RMDN2: variants seen among roughly 807,000 people sequenced by gnomAD.
RMDN2 encodes the protein regulator of microtubule dynamics protein 2.
A neutral mutation model predicts 52.8 loss-of-function variants in RMDN2; 61 were observed. The observed-to-expected ratio is 1.16, with a 90% CI of 0.94 to 1.43. The LOEUF (loss-of-function observed/expected upper bound fraction) is 1.43, where lower values mean the gene tolerates loss of function less well. RMDN2 is among the 40% of genes most tolerant of loss of function. The probability of loss-of-function intolerance (pLI) is 0.00; values close to 1 mark genes in which losing one functional copy is unlikely to be tolerated. For synonymous variants in RMDN2, 180 were observed against 153.1 expected (o/e 1.18, Z -1.30); for missense variants, 592 against 475.3 (o/e 1.25, Z -2.28).
chr2:37,933,990 A>T (rs1345004223), intron 2 of RMDN2, among the ~76,000 whole-genome samples: 1 of 152,178 alleles, frequency 6.6e-6, no homozygotes, highest in Non-Finnish European at 1.5e-5. Flanking sequence ...GGGGAGGAAG[A>T]GTCATCCCCT....
intron 10 of RMDN2, among the ~76,000 whole-genome samples, chr2:38,024,417 T>G (rs886135628): frequency 3.3e-5 from 5 of 152,310 alleles, no homozygotes; most frequent in African/African-American, 1.2e-4. Context: ...AGAGTTCCGC[T>G]TGCTTTACTT....
At position 37,935,669 on chromosome 2, in the gene RMDN2, A is replaced by G. The variant is rs148590498; in HGVS notation, c.452+5940A>G. On this transcript the variant is annotated intron_variant, in intron 2 of 10. Transcript: ENST00000354545. ...GTTTCTCCTACATGTGCACTTTTAT[A>G]TAAACAAGACATAAATGGTCTTTTC... Among the ~76,000 whole-genome samples the G allele has an allele frequency of 1.5e-4, 23 of 152,354 alleles. No homozygotes were observed. The East Asian group carries it at 3.7e-3, about 24-fold the overall frequency.
At chr2:37,932,908 G>A (rs1275987382) in intron 2 of RMDN2, among the ~76,000 whole-genome samples, 21 of 148,826 alleles carry the variant, frequency 1.4e-4, no homozygotes, top group African/African-American at 2.2e-4. Flanking sequence ...CTGGCCGGGC[G>A]GGGGGCTGAC....
intron 10 of RMDN2, among the ~76,000 whole-genome samples, chr2:38,062,896 C>A (rs954884942): frequency 8.6e-5 from 13 of 151,018 alleles, no homozygotes; most frequent in African/African-American, 3.2e-4. Flanking sequence ...CCATAGTTTG[C>A]TGAGAATGAT....
At chr2:37,921,916 T>C (rs956424141), upstream of RMDN2, among the ~76,000 whole-genome samples, 2 of 152,202 alleles carry the variant, frequency 1.3e-5, no homozygotes, top group African/African-American at 4.8e-5. Flanking sequence ...GAAGACTCAA[T>C]AAATGTTCCT....
intron 2 of RMDN2, among the ~76,000 whole-genome samples, chr2:37,961,355 A>T (rs1221124360): frequency 1.3e-5 from 2 of 151,916 alleles, no homozygotes; most frequent in Non-Finnish European, 2.9e-5. Flanking sequence ...CTTTTCACAT[A>T]GTCCCATATT....
chr2:38,047,785 T>C (rs937529681), intron 10 of RMDN2, among the ~76,000 whole-genome samples: 7 of 152,252 alleles, frequency 4.6e-5, no homozygotes, highest in African/African-American at 1.7e-4. Context: ...TGGCAAATCA[T>C]TGAGTTCCTG....
At chr2:38,060,964 T>C (rs972065390) in intron 10 of RMDN2, among the ~76,000 whole-genome samples, 1 of 152,274 alleles carries the variant, frequency 6.6e-6, no homozygotes, top group East Asian at 1.9e-4. Flanking sequence ...CTAGACATAG[T>C]GTAGAAAATG....
At position 37,997,591 on chromosome 2, in the gene RMDN2, A is replaced by T. The variant is rs763662680; in HGVS notation, c.1044+77A>T. 31 of 968,690 alleles carry T rather than the reference A, an allele frequency of 3.2e-5. No individual in the cohort carries two copies. In the Middle Eastern group the frequency reaches 1.3e-3, roughly 39 times the overall value. The allele number at this position is 968,690 out of a possible 1,614,324, so 60.0% of individuals were successfully genotyped here. Reference sequence around the variant, plus strand: ...CAATCCCTGCTGCCGTTGTCAAGGAAATCTTTTCTCCATGTGGAGCCTCAG... The same window carrying T: ...CAATCCCTGCTGCCGTTGTCAAGGATATCTTTTCTCCATGTGGAGCCTCAG... On this transcript the variant is annotated intron_variant, in intron 8 of 10. Transcript: ENST00000354545.
chr2:37,985,544 G>C (rs1402495265), intron 5 of RMDN2, among the ~76,000 whole-genome samples: 1 of 152,132 alleles, frequency 6.6e-6, no homozygotes, highest in Non-Finnish European at 1.5e-5. Context: ...TAAACGGTTT[G>C]AGGCTCAGTT....
intron 2 of RMDN2, among the ~76,000 whole-genome samples, chr2:37,941,869 C>A (rs1274086286): frequency 6.6e-6 from 1 of 151,852 alleles, no homozygotes; most frequent in Non-Finnish European, 1.5e-5. Context: ...CCACTTTGCT[C>A]CCTGGCTTCA....
intron 10 of RMDN2, among the ~76,000 whole-genome samples, chr2:38,064,449 C>G (rs983093884): frequency 1.3e-5 from 2 of 151,610 alleles, no homozygotes; most frequent in Admixed American, 1.3e-4. Context: ...GAGATCATAC[C>G]ATGGCACTCC....
Position 37,971,283 on chromosome 2 carries a change from C to A in RMDN2, c.453-2757C>A, listed in dbSNP as rs76787398. On this transcript the variant is annotated intron_variant, in intron 2 of 10. Transcript: ENST00000354545. ...TATATATGATAGGAAGTGAGAGTTC[C>A]TTTTTTGCATTTGCTTATCCATTTG... Among the ~76,000 whole-genome samples the A allele has an allele frequency of 9.2e-4, 140 of 152,116 alleles. 2 individuals are homozygous for A. In the East Asian group the frequency reaches 0.023, roughly 25 times the overall value.
Position 37,981,349 on chromosome 2 carries a change from T to C in RMDN2, c.791+6T>C. On this transcript the variant is annotated splice_donor_region_variant and intron_variant, in intron 5 of 10. Coordinates refer to ENST00000354545, the MANE Select transcript of RMDN2 (RefSeq NM_001170791.3). ...AATGGACATTGTCATCTGTGGTAAG[T>C]GTATAGGATTTATGCAGTCTTTTAA... The C allele has an allele frequency of 6.3e-7, 1 of 1,585,764 alleles. No individual in the cohort carries two copies. The highest frequency in any genetic ancestry group is 8.7e-7 in the Non-Finnish European group (1 of 1,154,806).
At chr2:37,978,777 C>CAGATAGAT (rs1213724373) in intron 4 of RMDN2, among the ~76,000 whole-genome samples, 36,968 of 148,588 alleles carry the variant, frequency 0.25, 4,696 homozygotes, top group South Asian at 0.28. Context: ...GACCCTTTCT[C>CAGATAGAT]AGATAGATAG....
At chr2:37,939,379 T>C (rs1667585779) in intron 2 of RMDN2, among the ~76,000 whole-genome samples, 1 of 152,222 alleles carries the variant, frequency 6.6e-6, no homozygotes, top group Non-Finnish European at 1.5e-5. Context: ...TGATGTGTGG[T>C]GGAGAGTTCT....
chr2:37,963,908 C>CCCT (rs1670646034), intron 2 of RMDN2, among the ~76,000 whole-genome samples: 2 of 150,914 alleles, frequency 1.3e-5, no homozygotes, highest in Admixed American at 1.3e-4. Flanking sequence ...AGAGGCGCCC[C>CCCT]CCCACCTCCC....
Position 37,991,207 on chromosome 2 carries a change from A to G in RMDN2, c.868-13A>G. On this transcript the variant is annotated splice_polypyrimidine_tract_variant and intron_variant, in intron 6 of 10. Coordinates refer to ENST00000354545, the MANE Select transcript of RMDN2 (RefSeq NM_001170791.3). ...AACTTGGGAGATGATTTTCCTTTGG[A>G]TGCTTTTTTCAGGAACATCTAGATA... 6.6e-7 allele frequency: 1 copy of G among 1,516,612 alleles called. No individual in the cohort carries two copies. 93.9% of individuals were successfully genotyped at this position (1,516,612 alleles called of 1,614,324 possible).
At position 37,991,273 on chromosome 2, in the gene RMDN2, C is replaced by A; in HGVS notation, c.921C>A (p.Tyr307Ter). ...TACCAGAGGAACCCTTTCTATATTA[C>A]CTCAAAGGGAGATACTGCTATACTG... ...KLLPEEPFLY[Y>*]LKGRYCYTVS... Residue 307 changes from tyrosine to a stop codon, truncating the protein, a stop_gained, in exon 7 of 11, where the codon TAC (tyrosine) becomes TAA (stop). Transcript: ENST00000354545. LOFTEE classifies it high-confidence loss of function. The A allele has an allele frequency of 6.3e-7, 1 of 1,581,484 alleles. No homozygotes were observed. Among genetic ancestry groups the A allele is most frequent in the Non-Finnish European group, 8.6e-7 (1 of 1,159,242 alleles).
Sources: gnomAD v4.1 joint callset for allele counts (sites outside exome capture counted in the v4.1 genomes callset) on GRCh38, gnomAD v4.1.1 for gene constraint, MANE v1.5 for transcripts, NCBI Gene and HGNC (gene_info 2026-07-23, HGNC 2026-07-21) for gene names.